The following LIFR variants were observed in gnomAD, a reference collection of about 807,000 sequenced individuals.
LIFR encodes the protein LIF receptor subunit alpha.
Under a neutral mutation model 122.2 loss-of-function variants are expected in LIFR, and 84 were observed. That is an observed-to-expected ratio of 0.69 (90% confidence interval 0.58 to 0.82). The LOEUF (loss-of-function observed/expected upper bound fraction) is 0.82. Ranked by LOEUF, LIFR falls within the 40% of genes least tolerant of loss-of-function variation. The pLI, the probability that LIFR is intolerant of heterozygous loss-of-function variation, is 0.00. For missense variants in LIFR, 1,294 were observed against 1,311.6 expected (o/e 0.99, Z 0.21); for synonymous variants, 422 against 434.7 (o/e 0.97, Z 0.36).
At chr5:38,592,862 A>G (rs376187804) in intron 1 of LIFR, among the ~76,000 whole-genome samples, 1 of 152,068 alleles carries the variant, frequency 6.6e-6, no homozygotes, top group African/African-American at 2.4e-5. Context: ...TATTTCAGCA[A>G]TGGGGTCAGG....
Position 38,481,090 on chromosome 5 carries a change from G to C in LIFR, c.*505C>G, listed in dbSNP as rs528435493. ...TTAATTTTTGTGAATGCTGTGGATA[G>C]AGGAGAATAATCTTAGAAGTTTTAA... On this transcript the variant is annotated 3_prime_UTR_variant, in exon 20 of 20. Transcript: ENST00000453190. The C allele has an allele frequency of 4.1e-6, 1 of 243,516 alleles. No homozygotes were observed. The highest frequency in any genetic ancestry group is 6.1e-5 in the East Asian group (1 of 16,282). 15.1% of individuals were successfully genotyped at this position (243,516 alleles called of 1,614,324 possible). A position where few individuals can be genotyped will look rare whatever the true frequency, so the allele number is the denominator to read the frequency against.
chr5:38,532,901 A>T (rs549038257), intron 1 of LIFR, among the ~76,000 whole-genome samples: 13 of 152,346 alleles, frequency 8.5e-5, no homozygotes, highest in South Asian at 6.2e-4. Context: ...TTAGAGGAGC[A>T]CAAATTTTTA....
chr5:38,596,146 G>A (rs1443463872), upstream of LIFR, among the ~76,000 whole-genome samples: 2 of 152,096 alleles, frequency 1.3e-5, no homozygotes, highest in Non-Finnish European at 2.9e-5. Flanking sequence ...AATAAGACTG[G>A]AGCAATATGG....
chr5:38,520,529 C>T (rs1746344649), intron 5 of LIFR, among the ~76,000 whole-genome samples: 1 of 152,072 alleles, frequency 6.6e-6, no homozygotes, highest in Non-Finnish European at 1.5e-5. Context: ...TTACCTGGAC[C>T]AATGTCCTAT....
intron 1 of LIFR, among the ~76,000 whole-genome samples, chr5:38,593,626 A>C (rs759143099): frequency 3.9e-5 from 6 of 152,214 alleles, no homozygotes; most frequent in Non-Finnish European, 7.3e-5. Context: ...TAATTGCAAC[A>C]GAATGAATGT....
intron 1 of LIFR, among the ~76,000 whole-genome samples, chr5:38,549,449 G>A (rs1430093952): frequency 6.6e-6 from 1 of 152,066 alleles, no homozygotes; most frequent in African/African-American, 2.4e-5. Context: ...CATTTAATGA[G>A]TCCCCCTATT....
chr5:38,527,525 C>A (rs972556429), intron 3 of LIFR, among the ~76,000 whole-genome samples: 1 of 152,150 alleles, frequency 6.6e-6, no homozygotes, highest in Non-Finnish European at 1.5e-5. Flanking sequence ...GCATAGATGA[C>A]TCCAAACAGC....
Position 38,511,883 on chromosome 5 carries a change from T to C in LIFR, c.643A>G (p.Ile215Val). The stretch of plus-strand genomic sequence containing the variant: ...TAGCATCTAATTTCCACAAAATGAA[T>C]GGCACATTCCAAGGGCATATCTGAG... Reference protein sequence around the residue: ...WASDMPLECAIHFVEIRCYID... With the variant: ...WASDMPLECAVHFVEIRCYID... The change falls in exon 6 of 20, where the codon ATT (isoleucine) becomes GTT (valine). Residue 215 changes from isoleucine (I) to valine (V), a missense_variant. Physicochemically the swap from Ile to Val is conservative, Grantham distance 29. Coordinates refer to ENST00000453190, the MANE Select transcript of LIFR (RefSeq NM_001127671.2). 6.2e-7 allele frequency: 1 copy of C among 1,614,168 alleles called. No homozygotes were observed. Among genetic ancestry groups the C allele is most frequent in the Non-Finnish European group, 8.5e-7 (1 of 1,180,006 alleles).
Position 38,476,651 on chromosome 5 carries a change from A to G in LIFR, c.*4944T>C, listed in dbSNP as rs186565945. The G allele has an allele frequency of 1.2e-3, 252 of 205,066 alleles. No individual in the cohort carries two copies. Among genetic ancestry groups the G allele is most frequent in the African/African-American group, 5.2e-3 (226 of 43,722 alleles). The allele number at this position is 205,066 out of a possible 1,614,324, so 12.7% of individuals were successfully genotyped here. A position where few individuals can be genotyped will look rare whatever the true frequency, so the allele number is the denominator to read the frequency against. ...ACTCACATCTCTTAGTTTTTAGGGT[A>G]TTCAGTCCCAGCAACCAAAAAAAAA... On this transcript the variant is annotated 3_prime_UTR_variant, in exon 20 of 20. Transcript: ENST00000453190.
At chr5:38,600,668 C>G (rs1012291771) in intron 2 of LIFR, among the ~76,000 whole-genome samples, 3 of 152,164 alleles carry the variant, frequency 2.0e-5, no homozygotes, top group Non-Finnish European at 2.9e-5. Flanking sequence ...TTTCAGCCTC[C>G]CTTCCTGGCT....
intron 11 of LIFR, 149 bp downstream of exon 11, chr5:38,502,488 A>G: frequency 3.1e-6 from 2 of 638,270 alleles, no homozygotes; most frequent in Non-Finnish European, 5.7e-6. Context: ...CAAACTCCCA[A>G]CCTCAGGTAA....
intron 9 of LIFR, among the ~76,000 whole-genome samples, chr5:38,505,017 T>C (rs967057547): frequency 2.0e-4 from 30 of 152,278 alleles, no homozygotes; most frequent in African/African-American, 7.0e-4. Context: ...TTAATGCACA[T>C]GGACCATGGG....
intron 1 of LIFR, among the ~76,000 whole-genome samples, chr5:38,545,498 G>A (rs1246658983): frequency 1.3e-5 from 2 of 151,898 alleles, no homozygotes; most frequent in African/African-American, 4.8e-5. Context: ...TATTCCCTGA[G>A]CTTCCTTAAT....
chr5:38,553,042 C>T (rs1580174833), intron 1 of LIFR, among the ~76,000 whole-genome samples: 1 of 152,162 alleles, frequency 6.6e-6, no homozygotes, highest in African/African-American at 2.4e-5. Flanking sequence ...ACATGCAACA[C>T]ATATGGGCAC....
At chr5:38,557,680 GA>G (rs1469766946), upstream of LIFR, 11 of 154,736 alleles carry the variant, frequency 7.1e-5, no homozygotes. Flanking sequence ...TTGGCAAAAT[GA>G]AGCTTGTTTT....
At chr5:38,513,810 A>G (rs937296760) in intron 5 of LIFR, among the ~76,000 whole-genome samples, 3 of 151,908 alleles carry the variant, frequency 2.0e-5, no homozygotes, top group Non-Finnish European at 2.9e-5. Flanking sequence ...CAATTAGATT[A>G]AAAAAAAATT....
chr5:38,606,964 C>T (rs1169240360), intron 1 of LIFR, among the ~76,000 whole-genome samples: 2 of 152,172 alleles, frequency 1.3e-5, no homozygotes, highest in Non-Finnish European at 1.5e-5. Flanking sequence ...TGATATGCAA[C>T]ATTTGTTTTT....
Position 38,493,790 on chromosome 5 carries a change from A to G in LIFR, c.1886-5T>C. 6.2e-7 allele frequency: 1 copy of G among 1,612,576 alleles called. No individual in the cohort carries two copies. The highest frequency in any genetic ancestry group is 1.7e-5 in the Admixed American group (1 of 60,028). ...CTTGTTCTATTTTGAGATCATCTTC[A>G]ATAAGAAAGGAGGATATTTTACTGG... On this transcript the variant is annotated splice_region_variant and splice_polypyrimidine_tract_variant and intron_variant, in intron 13 of 19. Transcript: ENST00000453190.
chr5:38,505,473 G>A (rs899741976), intron 9 of LIFR, among the ~76,000 whole-genome samples: 2 of 151,138 alleles, frequency 1.3e-5, no homozygotes, highest in African/African-American at 2.4e-5. Flanking sequence ...CATAAAAACT[G>A]AGCAAGGTCA....
Sources: gnomAD v4.1 joint callset for allele counts (sites outside exome capture counted in the v4.1 genomes callset) on GRCh38, gnomAD v4.1.1 for gene constraint, MANE v1.5 for transcripts, NCBI Gene and HGNC (gene_info 2026-07-23, HGNC 2026-07-21) for gene names.